Variants in NPAS2 observed in about 807,000 individuals in gnomAD.
NPAS2 encodes neuronal PAS domain-containing protein 2.
Under a neutral mutation model 107.5 loss-of-function variants are expected in NPAS2, and 23 were observed. The ratio of observed to expected loss-of-function variants is 0.21; its 90% CI spans 0.15 to 0.30. The LOEUF (loss-of-function observed/expected upper bound fraction) is 0.30, where lower values mean the gene tolerates loss of function less well. Ranked by LOEUF, NPAS2 falls within the 10% of genes least tolerant of loss-of-function variation. The pLI is 1.00. For missense variants in NPAS2, 756 were observed against 1,043.3 expected (o/e 0.72, Z 3.79); for synonymous variants, 403 against 417.5 (o/e 0.97, Z 0.42).
At chr2:100,894,022 T>C (rs1386142816) in intron 1 of NPAS2, among the ~76,000 whole-genome samples, 1 of 152,216 alleles carries the variant, frequency 6.6e-6, no homozygotes, top group Non-Finnish European at 1.5e-5. Flanking sequence ...CTCATTAGTC[T>C]TCTGTCTCAC....
At chr2:100,898,291 A>G (rs1681547953) in intron 1 of NPAS2, among the ~76,000 whole-genome samples, 2 of 152,150 alleles carry the variant, frequency 1.3e-5, no homozygotes, top group African/African-American at 4.8e-5. Flanking sequence ...GGCCTCAGGC[A>G]ATCCTCATGC....
chr2:100,967,601 C>G (rs1676301254), intron 10 of NPAS2, among the ~76,000 whole-genome samples: 1 of 152,100 alleles, frequency 6.6e-6, no homozygotes, highest in Non-Finnish European at 1.5e-5. Context: ...TGCTAAGTTC[C>G]AGGCACTATG....
rs779356852 is a variant in NPAS2, at chr2:100,964,939, C to G, written c.796C>G (p.His266Asp). 6.4e-7 allele frequency: 1 copy of G among 1,565,582 alleles called. No homozygotes were observed. The change falls in exon 9 of 21, where the codon CAC (histidine) becomes GAC (aspartate). Residue 266 changes from histidine to aspartate, a missense_variant. Transcript: ENST00000335681. ...GGAATGGAAATTTTTATTTCTGGATCACAGGTTTGAGAAAAGAAAAACATA... is the reference window on the plus strand; with the variant it reads ...GGAATGGAAATTTTTATTTCTGGATGACAGGTTTGAGAAAAGAAAAACATA... ...SLEWKFLFLD[H>D]RAPPIIGYLP...
chr2:100,912,240 AT>A (rs1558865628), intron 2 of NPAS2, among the ~76,000 whole-genome samples: 27 of 108,474 alleles, frequency 2.5e-4, no homozygotes, highest in Admixed American at 6.2e-4. Context: ...TTATTTATTT[AT>A]TTATTTATTT....
At chr2:100,873,190 T>C (rs1679684173) in intron 1 of NPAS2, among the ~76,000 whole-genome samples, 1 of 142,028 alleles carries the variant, frequency 7.0e-6, no homozygotes, top group African/African-American at 2.6e-5. Context: ...AGGCGGAGGT[T>C]GCAGCGAGCC....
chr2:100,856,360 G>T lies in NPAS2; in HGVS notation c.-23+35946G>T, dbSNP rs150465907. 9.6e-3 allele frequency among the ~76,000 whole-genome samples: 1,469 copies of T among 152,296 alleles called. 27 individuals carry two copies. Among genetic ancestry groups the T allele is most frequent in the African/African-American group, 0.034 (1,406 of 41,556 alleles). On this transcript the variant is annotated intron_variant, in intron 1 of 20. Coordinates refer to ENST00000335681, the MANE Select transcript of NPAS2 (RefSeq NM_002518.4). Reference sequence around the variant, plus strand: ...TGACTATCCACATTCCCGAGCACAGGCTCCCAATGCTGTCTGCTTTCTCAC... The same window carrying T: ...TGACTATCCACATTCCCGAGCACAGTCTCCCAATGCTGTCTGCTTTCTCAC...
intron 1 of NPAS2, among the ~76,000 whole-genome samples, chr2:100,887,280 G>A (rs1680755499): frequency 6.6e-6 from 1 of 152,236 alleles, no homozygotes; most frequent in African/African-American, 2.4e-5. Context: ...AGAGAGGCCA[G>A]AAGTGGAAGC....
chr2:100,893,777 C>G (rs1180299324), intron 1 of NPAS2, among the ~76,000 whole-genome samples: 11 of 152,210 alleles, frequency 7.2e-5, no homozygotes, highest in Admixed American at 7.2e-4. Flanking sequence ...CACAGCCATG[C>G]CCACTCATTT....
intron 3 of NPAS2, among the ~76,000 whole-genome samples, chr2:100,931,509 T>C (rs1470563310): frequency 9.3e-5 from 12 of 128,754 alleles, no homozygotes; most frequent in Admixed American, 3.4e-4. Context: ...TTTTTTGACA[T>C]GGAGTCTTGC....
chr2:100,886,460 C>T (rs1454929692), intron 1 of NPAS2, among the ~76,000 whole-genome samples: 1 of 152,160 alleles, frequency 6.6e-6, no homozygotes, highest in East Asian at 1.9e-4. Flanking sequence ...AATGTAGAAG[C>T]ATTTAAATAT....
At chr2:100,905,010 T>C (rs908131121) in intron 2 of NPAS2, among the ~76,000 whole-genome samples, 1 of 152,206 alleles carries the variant, frequency 6.6e-6, no homozygotes, top group African/African-American at 2.4e-5. Flanking sequence ...TAGGACTGGC[T>C]GAGTGGTCTG....
chr2:100,848,779 A>G (rs776838332), intron 1 of NPAS2, among the ~76,000 whole-genome samples: 2 of 152,232 alleles, frequency 1.3e-5, no homozygotes, highest in African/African-American at 2.4e-5. Context: ...TCAAGTAGTC[A>G]AGAAACTTTT....
At chr2:100,844,783 T>C (rs1358713383) in intron 1 of NPAS2, among the ~76,000 whole-genome samples, 1 of 152,214 alleles carries the variant, frequency 6.6e-6, no homozygotes, top group African/African-American at 2.4e-5. Context: ...TAGTTGCGCC[T>C]CTTTCCAGAG....
At chr2:100,980,438 C>A (rs752492866) in intron 15 of NPAS2, among the ~76,000 whole-genome samples, 2 of 151,994 alleles carry the variant, frequency 1.3e-5, no homozygotes, top group East Asian at 1.9e-4. Context: ...TCTGGGATAG[C>A]GCAGGGTTTT....
At position 100,916,051 on chromosome 2, in the gene NPAS2, A is replaced by T. The variant is rs552450098; in HGVS notation, c.33-9095A>T. 2.5e-3 allele frequency among the ~76,000 whole-genome samples: 388 copies of T among 152,312 alleles called. 1 individual carries two copies. Among genetic ancestry groups the T allele is most frequent in the Non-Finnish European group, 4.6e-3 (315 of 68,008 alleles). ...GGACTTTGAAAAGACAAGTTTGTAT[A>T]TTACAGTCCCTAGAATTATTACTAA... On this transcript the variant is annotated intron_variant, in intron 2 of 20. Coordinates refer to ENST00000335681, the MANE Select transcript of NPAS2 (RefSeq NM_002518.4).
At chr2:100,867,557 A>T in intron 1 of NPAS2, among the ~76,000 whole-genome samples, 1 of 150,858 alleles carries the variant, frequency 6.6e-6, no homozygotes, top group South Asian at 2.1e-4. Context: ...TTCTCCTTTT[A>T]CTCTTTAAGT....
intron 1 of NPAS2, among the ~76,000 whole-genome samples, chr2:100,860,412 C>T (rs59825425): frequency 0.072 from 10,998 of 152,190 alleles, 752 homozygotes; most frequent in East Asian, 0.34. Flanking sequence ...CAGGTTTCTC[C>T]GCTGAACTAT....
chr2:100,886,119 A>G lies in NPAS2; in HGVS notation c.-22-18614A>G, dbSNP rs115833705. ...TGGTCGCCTGGAAACCAGGTGTATG[A>G]TACTTTGTTAAGCACACTAATTGGC... On this transcript the variant is annotated intron_variant, in intron 1 of 20. Transcript: ENST00000335681. 1.5e-3 allele frequency among the ~76,000 whole-genome samples: 225 copies of G among 152,354 alleles called. 1 individual carries two copies. Among genetic ancestry groups the G allele is most frequent in the African/African-American group, 5.2e-3 (218 of 41,590 alleles).
chr2:100,917,334 C>G (rs768382719), intron 2 of NPAS2, among the ~76,000 whole-genome samples: 1 of 152,092 alleles, frequency 6.6e-6, no homozygotes, highest in South Asian at 2.1e-4. Flanking sequence ...CAAGACCAGC[C>G]TGATCAACAT....
Sources: allele counts gnomAD v4.1 joint callset (sites outside exome capture counted in the v4.1 genomes callset), GRCh38; gene constraint gnomAD v4.1.1; transcripts MANE v1.5; gene names NCBI Gene and HGNC (gene_info 2026-07-23, HGNC 2026-07-21).